The following FARS2 variants were observed in gnomAD, a reference collection of about 807,000 sequenced individuals.
The protein encoded by FARS2 is phenylalanyl-tRNA synthetase 2, mitochondrial, also known as phenylalanine--tRNA ligase, mitochondrial.
In FARS2, 40 loss-of-function variants were observed where a neutral mutation model predicts 46.4. The ratio of observed to expected loss-of-function variants is 0.86; its 90% confidence interval spans 0.67 to 1.12. The LOEUF is 1.12. Ranked by LOEUF, FARS2 falls within the 50% of genes most tolerant of loss-of-function variation. The probability of loss-of-function intolerance (pLI) is 0.00; values close to 1 mark genes in which losing one functional copy is unlikely to be tolerated. For synonymous variants in FARS2, 234 were observed against 214.9 expected (o/e 1.09, Z -0.78); for missense variants, 513 against 567.9 (o/e 0.90, Z 0.98).
At chr6:5,708,204 A>G (rs1475430273) in intron 6 of FARS2, among the ~76,000 whole-genome samples, 5 of 152,212 alleles carry the variant, frequency 3.3e-5, no homozygotes, top group African/African-American at 1.2e-4. Flanking sequence ...TGTAGAAAAT[A>G]GCCCCTTAAT....
At chr6:5,738,399 G>A (rs1363021280) in intron 6 of FARS2, among the ~76,000 whole-genome samples, 1 of 152,226 alleles carries the variant, frequency 6.6e-6, no homozygotes, top group East Asian at 1.9e-4. Flanking sequence ...AAAGATGTAT[G>A]AATAGAACAG....
At chr6:5,521,588 T>A (rs1418677477) in intron 4 of FARS2, among the ~76,000 whole-genome samples, 1 of 152,174 alleles carries the variant, frequency 6.6e-6, no homozygotes, top group Non-Finnish European at 1.5e-5. Flanking sequence ...GAACAAAGAA[T>A]TATAAAGCCG....
chr6:5,689,494 T>G (rs1320065557), intron 6 of FARS2, among the ~76,000 whole-genome samples: 1 of 152,214 alleles, frequency 6.6e-6, no homozygotes, highest in Non-Finnish European at 1.5e-5. Flanking sequence ...TCAGTTTCCA[T>G]GTAGTTGAGC....
rs183458074 is a variant in FARS2, at chr6:5,755,064, T to C, written c.1218-16227T>C. 2.6e-4 allele frequency among the ~76,000 whole-genome samples: 39 copies of C among 152,314 alleles called. No individual in the cohort carries two copies. The East Asian group carries it at 5.2e-3, about 20-fold the overall frequency. On this transcript the variant is annotated intron_variant, in intron 6 of 6. Coordinates refer to ENST00000274680, the MANE Select transcript of FARS2 (RefSeq NM_006567.5). ...TGTTTTATATTTTCCATTTCTGTCC[T>C]TCTCTCTACTGTATTCCAAACAGTT...
rs983196442 is a variant in FARS2 at position 5,503,146 on chromosome 6, G to A, written c.905-42034G>A. Among the ~76,000 whole-genome samples the A allele has an allele frequency of 6.0e-5, 9 of 151,042 alleles. No homozygotes were observed. The East Asian group carries it at 1.7e-3, about 29-fold the overall frequency. Reference sequence around the variant, plus strand: ...TAGCAGAAATATACCTGGATTGATGGTAAGATACATGTGTATATAATTCAT... The same window carrying A: ...TAGCAGAAATATACCTGGATTGATGATAAGATACATGTGTATATAATTCAT... On this transcript the variant is annotated intron_variant, in intron 4 of 6. Coordinates refer to ENST00000274680, the MANE Select transcript of FARS2 (RefSeq NM_006567.5).
intron 3 of FARS2, among the ~76,000 whole-genome samples, chr6:5,409,571 T>C (rs1761814487): frequency 6.6e-6 from 1 of 152,274 alleles, no homozygotes; most frequent in South Asian, 2.1e-4. Context: ...TCAGCTTTTA[T>C]TACAGATCGA....
chr6:5,354,386 A>G (rs1435781429), intron 1 of FARS2, among the ~76,000 whole-genome samples: 3 of 152,188 alleles, frequency 2.0e-5, no homozygotes, highest in Non-Finnish European at 4.4e-5. Context: ...AACACTAAAA[A>G]TCTATGATTG....
intron 6 of FARS2, among the ~76,000 whole-genome samples, chr6:5,650,824 A>G (rs1179725804): frequency 6.6e-6 from 1 of 152,164 alleles, no homozygotes; most frequent in African/African-American, 2.4e-5. Flanking sequence ...AAGAGGCCCC[A>G]CGTTTCCCTG....
At chr6:5,505,523 G>C (rs1474453549) in intron 4 of FARS2, among the ~76,000 whole-genome samples, 3 of 152,188 alleles carry the variant, frequency 2.0e-5, no homozygotes, top group Non-Finnish European at 4.4e-5. Context: ...AGAGATTAAA[G>C]TAAAGACAGG....
intron 1 of FARS2, among the ~76,000 whole-genome samples, chr6:5,355,708 C>A (rs1222492076): frequency 6.7e-6 from 1 of 149,608 alleles, no homozygotes; most frequent in Non-Finnish European, 1.5e-5. Context: ...TATTCACATA[C>A]ACACACACAC....
At chr6:5,610,083 A>T in intron 5 of FARS2, 1 of 930,200 alleles carries the variant, frequency 1.1e-6, no homozygotes, top group Non-Finnish European at 1.8e-6. Context: ...GTCCAGGAGC[A>T]TTCCCCATTG....
rs940025298 is a variant in FARS2 at position 5,608,959 on chromosome 6, C to CA, written c.1066-4199dup. ...ATTTAGCAATCAACAGCATGGGTGC[C>CA]AAAAAAAAAAATCTGTATTAAAACC... On this transcript the variant is annotated intron_variant, in intron 5 of 6. Coordinates refer to ENST00000274680, the MANE Select transcript of FARS2 (RefSeq NM_006567.5). Among the ~76,000 whole-genome samples, 356 of 145,518 alleles carry CA rather than the reference C, an allele frequency of 2.4e-3. 2 individuals carry two copies. In the Middle Eastern group the frequency reaches 0.028, roughly 12 times the overall value.
At chr6:5,494,484 T>A (rs942204484) in intron 4 of FARS2, among the ~76,000 whole-genome samples, 2 of 152,198 alleles carry the variant, frequency 1.3e-5, no homozygotes, top group African/African-American at 4.8e-5. Flanking sequence ...TCTTATTCTT[T>A]TTGTATCTTT....
At chr6:5,703,388 G>C (rs1758558852) in intron 6 of FARS2, among the ~76,000 whole-genome samples, 1 of 152,178 alleles carries the variant, frequency 6.6e-6, no homozygotes, top group African/African-American at 2.4e-5. Context: ...TGGGTCCCTA[G>C]TGGTCTCTGT....
At chr6:5,300,324 G>T (rs926847124) in intron 1 of FARS2, among the ~76,000 whole-genome samples, 6 of 152,180 alleles carry the variant, frequency 3.9e-5, no homozygotes, top group African/African-American at 1.4e-4. Context: ...CAAATGTTAT[G>T]TCTGTTTATA....
chr6:5,633,806 T>TAATTGGG (rs1776413556), intron 6 of FARS2, among the ~76,000 whole-genome samples: 1 of 152,206 alleles, frequency 6.6e-6, no homozygotes, highest in Non-Finnish European at 1.5e-5. Flanking sequence ...ATTCCTCTCT[T>TAATTGGG]AATTGTTCAA....
intron 3 of FARS2, among the ~76,000 whole-genome samples, chr6:5,405,027 G>C (rs1761484494): frequency 6.6e-6 from 1 of 151,882 alleles, no homozygotes; most frequent in Admixed American, 6.6e-5. Context: ...TCAAACCCCT[G>C]GCCTCGTGAT....
chr6:5,675,989 T>A (rs549660467), intron 6 of FARS2, among the ~76,000 whole-genome samples: 7 of 152,312 alleles, frequency 4.6e-5, no homozygotes, highest in Admixed American at 1.3e-4. Context: ...GAGGGAAATT[T>A]CACTTTTTTT....
chr6:5,623,264 C>T (rs190126499), intron 6 of FARS2, among the ~76,000 whole-genome samples: 1 of 152,196 alleles, frequency 6.6e-6, no homozygotes, highest in African/African-American at 2.4e-5. Context: ...TAAAGAATAA[C>T]CTCAGTACAA....
Sources: gnomAD v4.1 joint callset for allele counts (sites outside exome capture counted in the v4.1 genomes callset) on GRCh38, gnomAD v4.1.1 for gene constraint, MANE v1.5 for transcripts, NCBI Gene and HGNC (gene_info 2026-07-23, HGNC 2026-07-21) for gene names.